MYH7: variants seen among roughly 807,000 people sequenced by gnomAD.
MYH7 encodes the protein myosin-7.
A neutral mutation model predicts 225.4 loss-of-function variants in MYH7; 129 were observed. That is an observed-to-expected ratio of 0.57 (90% CI 0.50 to 0.66). The LOEUF is 0.66. MYH7 is among the 30% of genes least tolerant of loss of function. The pLI, the probability that MYH7 is intolerant of heterozygous loss-of-function variation, is 0.00. For synonymous variants in MYH7, 971 were observed against 1,007.6 expected (o/e 0.96, Z 0.69); for missense variants, 1,649 against 2,517.0 (o/e 0.66, Z 7.38).
At chr14:23,430,767 C>A in intron 10 of MYH7, 104 bp from the exon 11 acceptor site, 1 of 1,292,628 alleles carries the variant, frequency 7.7e-7, no homozygotes, top group Non-Finnish European at 1.1e-6. Flanking sequence ...CAGGGCTTGG[C>A]TTGGCCCCAC....
chr14:23,424,133 GCC>G lies in MYH7; in HGVS notation c.2694_2695del (p.Ala899ArgfsTer3), dbSNP rs1247794131. Reference sequence around the variant, plus strand: ...CTGATCACAGCGCTCCTCAGCATCTGCCAGGTTGTCTTGTTCCTGAAGGTGAG... The same window carrying G: ...CTGATCACAGCGCTCCTCAGCATCTGAGGTTGTCTTGTTCCTGAAGGTGAG... On this transcript the variant is annotated frameshift_variant, in exon 23 of 40. Transcript: ENST00000355349. LOFTEE classifies it high-confidence loss of function. 6.2e-7 allele frequency: 1 copy of G among 1,614,170 alleles called. No individual in the cohort carries two copies. The highest frequency in any genetic ancestry group is 1.7e-5 in the Admixed American group (1 of 60,026).
At chr14:23,426,996 G>T in intron 17 of MYH7, 132 bp from the exon 18 acceptor site, 1 of 894,472 alleles carries the variant, frequency 1.1e-6, no homozygotes, top group Non-Finnish European at 1.8e-6. Flanking sequence ...GGGGCCCTGG[G>T]GGCAGACAGG....
intron 27 of MYH7, 105 bp from the exon 28 acceptor site, chr14:23,419,714 A>C (rs1892389340): frequency 3.7e-6 from 6 of 1,612,152 alleles, no homozygotes; most frequent in Non-Finnish European, 4.2e-6. Flanking sequence ...GTGTGAAAAG[A>C]AGGAGGGGAT....
In MYH7 at chr14:23,430,954, C is replaced by G. The variant is rs730880856; in HGVS notation, c.842G>C (p.Arg281Thr). 1 of 1,614,118 alleles carries G rather than the reference C, an allele frequency of 6.2e-7. No homozygotes were observed. ...GATTTGGTAGAAAATGTGATAATCT[C>G]TCTCTGCTTTCAGCTGGAAAATAAC... ...SRVIFQLKAE[R>T]DYHIFYQILS... Residue 281 changes from arginine (R) to threonine (T), a missense_variant, in exon 10 of 40, where the codon AGA becomes ACA. Coordinates refer to ENST00000355349, the MANE Select transcript of MYH7 (RefSeq NM_000257.4).
Position 23,424,996 on chromosome 14 carries a change from T to C in MYH7, c.2452A>G (p.Ile818Val), listed in dbSNP as rs762996522. The C allele has an allele frequency of 6.2e-7, 1 of 1,614,240 alleles. No homozygotes were observed. The highest frequency in any genetic ancestry group is 8.5e-7 in the Non-Finnish European group (1 of 1,180,046). Residue 818 changes from isoleucine to valine, a missense_variant, in exon 22 of 40, where the codon ATT (isoleucine) becomes GTT (valine). Physicochemically the swap from Ile to Val is conservative, Grantham distance 29. Around this residue, in one of 12 missense-constraint regions of MYH7, gnomAD observed 10 missense variants for 35.5 expected, o/e 0.28. Coordinates refer to ENST00000355349, the MANE Select transcript of MYH7 (RefSeq NM_000257.4). ...TTCTTGACCCCCATGAAGGCCCGAA[T>C]GTTCCACTGGATTACCAGCAGGGAG... ...RDSLLVIQWN[I>V]RAFMGVKNWP...
chr14:23,432,942 GT>G, intron 4 of MYH7, 141 bp downstream of exon 4: 1 of 1,498,230 alleles, frequency 6.7e-7, no homozygotes, highest in Non-Finnish European at 9.2e-7. Context: ...TCCCCAGAGT[GT>G]TGGAATTGAA....
At chr14:23,431,200 A>G (rs895565143) in intron 9 of MYH7, among the ~76,000 whole-genome samples, 2 of 152,174 alleles carry the variant, frequency 1.3e-5, no homozygotes, top group Admixed American at 1.3e-4. Context: ...GAAATCCCAG[A>G]GAAAGACACC....
rs765279420 is a variant in MYH7 at position 23,425,955 on chromosome 14, C to T, written c.2162+9G>A. The T allele has an allele frequency of 6.5e-5, 105 of 1,613,346 alleles. 2 individuals are homozygous for T. In the South Asian group the frequency reaches 1.0e-3, roughly 16 times the overall value. ...TGTTCTATGAGCTCTGGTGCACCCTCATACCCACCTCTGCCGGAAGTCCCC... is the reference window on the plus strand; with the variant it reads ...TGTTCTATGAGCTCTGGTGCACCCTTATACCCACCTCTGCCGGAAGTCCCC... On this transcript the variant is annotated intron_variant, in intron 19 of 39. Coordinates refer to ENST00000355349, the MANE Select transcript of MYH7 (RefSeq NM_000257.4). The surrounding 1 kb of genome is among the most constrained non-coding windows in gnomAD (Gnocchi z 4.6).
chr14:23,412,913 G>A, intron 39 of MYH7, 42 bp from the exon 40 acceptor site: 2 of 1,607,824 alleles, frequency 1.2e-6, no homozygotes, highest in Non-Finnish European at 1.7e-6. Context: ...TTGGAGAGAT[G>A]GTATTGGGCA....
At position 23,415,652 on chromosome 14, in the gene MYH7, G is replaced by A. The variant is rs121913650; in HGVS notation, c.5134C>T (p.Arg1712Trp). The stretch of plus-strand genomic sequence containing the variant: ...ACCTGGGAATGCAGCAGCTGCACCC[G>A]CTCACTAGTCTCAATCAGCTCCTGC... ...AEQELIETSE[R>W]VQLLHSQNTS... The change falls in exon 35 of 40, where the codon CGG (arginine) becomes TGG (tryptophan). Residue 1712 changes from arginine to tryptophan, a missense_variant. Around this residue, in one of 12 missense-constraint regions of MYH7, gnomAD observed 687 missense variants for 913.8 expected, o/e 0.75. Transcript: ENST00000355349. This position sits in a 1 kb window ranked among gnomAD's most constrained non-coding sequence, Gnocchi z 6.3. 10 of 1,613,638 alleles carry A rather than the reference G, an allele frequency of 6.2e-6. No individual in the cohort carries two copies. The highest frequency in any genetic ancestry group is 1.1e-5 in the South Asian group (1 of 91,080).
At chr14:23,430,004 C>T (rs1892863108) in intron 11 of MYH7, 91 bp from the exon 12 acceptor site, 2 of 1,506,854 alleles carry the variant, frequency 1.3e-6, no homozygotes, top group African/African-American at 1.4e-5. Context: ...AACTTGTCTC[C>T]TTAATCCCTG....
intron 24 of MYH7, among the ~76,000 whole-genome samples, chr14:23,422,809 T>C (rs566066564): frequency 6.6e-6 from 1 of 152,262 alleles, no homozygotes; most frequent in African/African-American, 2.4e-5. Flanking sequence ...TTTTGTATTT[T>C]TAGTAGAGAT....
At chr14:23,427,562 C>A (rs767104880) in intron 16 of MYH7, 23 bp downstream of exon 16, 1 of 1,612,982 alleles carries the variant, frequency 6.2e-7, no homozygotes, top group Non-Finnish European at 8.5e-7. Context: ...TCCTCTGTAC[C>A]GGGAGCCTCA....
chr14:23,423,804 C>G (rs899114261), intron 23 of MYH7, 81 bp from the exon 24 acceptor site: 4 of 1,612,878 alleles, frequency 2.5e-6, no homozygotes, highest in Admixed American at 3.3e-5. Flanking sequence ...ATGTCAAGGT[C>G]CATGCTGCTC....
At chr14:23,428,378 G>T in intron 15 of MYH7, 122 bp downstream of exon 15, 1 of 1,496,244 alleles carries the variant, frequency 6.7e-7, no homozygotes, top group Non-Finnish European at 9.2e-7. Context: ...GGAACCAAGG[G>T]CTCGGATCCT....
At position 23,435,641 on chromosome 14, in the gene MYH7, A is replaced by C. The variant is rs1893111084; in HGVS notation, c.-86T>G. The C allele has an allele frequency of 6.6e-6, 1 of 152,154 alleles. No individual in the cohort carries two copies. Among genetic ancestry groups the C allele is most frequent in the Non-Finnish European group, 1.5e-5 (1 of 68,062 alleles). The allele number at this position is 152,154 out of a possible 1,614,324, so 9.4% of individuals were successfully genotyped here. On this transcript the variant is annotated 5_prime_UTR_variant, in exon 1 of 40. Coordinates refer to ENST00000355349, the MANE Select transcript of MYH7 (RefSeq NM_000257.4). Reference sequence around the variant, plus strand: ...CTACCTGAGAGCAGCAGGGAAAGACACAGAGCAGGACAGAGCTGTGGAGCC... The same window carrying C: ...CTACCTGAGAGCAGCAGGGAAAGACCCAGAGCAGGACAGAGCTGTGGAGCC...
chr14:23,413,787 C>T lies in MYH7; in HGVS notation c.5762G>A (p.Arg1921Gln), dbSNP rs397516256. 5.6e-6 allele frequency: 9 copies of T among 1,614,104 alleles called. No homozygotes were observed. Among genetic ancestry groups the T allele is most frequent in the East Asian group, 2.2e-5 (1 of 44,902 alleles). ...CGTGCCAATGTCACGGCTCTTGGCC[C>T]GCAGCTTGTTGACCTGGGACTCGGC... ...DIAESQVNKL[R>Q]AKSRDIGTKG... The change falls in exon 39 of 40, where the codon CGG becomes CAG. Residue 1921 changes from arginine (R) to glutamine (Q), a missense_variant. Coordinates refer to ENST00000355349, the MANE Select transcript of MYH7 (RefSeq NM_000257.4).
rs1892493733 is a variant in MYH7, at chr14:23,422,088, G to A, written c.3245+92C>T. On this transcript the variant is annotated intron_variant, in intron 25 of 39. Coordinates refer to ENST00000355349, the MANE Select transcript of MYH7 (RefSeq NM_000257.4). ...GCGCCTCCACTTGTGGAGGCTGCGT[G>A]AGGTTGTTGCCTCAGAGGATGGCTG... 6.9e-6 allele frequency: 11 copies of A among 1,585,292 alleles called. No homozygotes were observed. The South Asian group carries it at 1.2e-4, about 18-fold the overall frequency.
rs755774024 is a variant in MYH7 at position 23,419,305 on chromosome 14, C to T, written c.3854-10G>A. 1.1e-5 allele frequency: 18 copies of T among 1,614,134 alleles called. No individual in the cohort carries two copies. Among genetic ancestry groups the T allele is most frequent in the Non-Finnish European group, 1.5e-5 (18 of 1,180,002 alleles). ...TGCCGGGACAGCTCACCTGGGGAAG[C>T]ACCATTCTAGATCAGCACTCCTCTC... On this transcript the variant is annotated splice_polypyrimidine_tract_variant and intron_variant, in intron 28 of 39. Transcript: ENST00000355349.
Sources: allele counts gnomAD v4.1 joint callset (sites outside exome capture counted in the v4.1 genomes callset), GRCh38; gene constraint gnomAD v4.1.1; regional missense constraint gnomAD v4.1.1; non-coding constraint Gnocchi (gnomAD v3.1); transcripts MANE v1.5; gene names NCBI Gene and HGNC (gene_info 2026-07-23, HGNC 2026-07-21).